Variants in LRP1B observed in about 807,000 individuals in gnomAD.
LRP1B encodes the protein LDL receptor related protein 1B.
Under a neutral mutation model 556.6 loss-of-function variants are expected in LRP1B, and 217 were observed. The ratio of observed to expected loss-of-function variants is 0.39; its 90% confidence interval spans 0.35 to 0.44. LRP1B has a LOEUF of 0.44. LRP1B is among the 20% of genes least tolerant of loss of function. The pLI is 1.00. For synonymous variants in LRP1B, 2,047 were observed against 1,865.8 expected, an observed-to-expected ratio of 1.10 and a Z score of -2.50; for missense variants, 5,053 against 5,620.8, an observed-to-expected ratio of 0.90 and a Z score of 3.23.
Position 140,994,131 on chromosome 2 carries a change from A to T in LRP1B, c.2508T>A (p.Asn836Lys). The T allele has an allele frequency of 6.2e-7, 1 of 1,612,076 alleles. No homozygotes were observed. Reference protein sequence around the residue: ...LDENGTTCTFNPGEALPHICK... With the variant: ...LDENGTTCTFKPGEALPHICK... ...ATATGTGAGGTAGTGCTTCTCCAGG[A>T]TTAACTAGAGTTAAAAAAACCCAAG... The change falls in exon 16 of 91, where the codon AAT (asparagine) becomes AAA (lysine). Residue 836 changes from asparagine to lysine, a missense_variant. Transcript: ENST00000389484.
chr2:141,120,231 T>C (rs1350333023), intron 7 of LRP1B, among the ~76,000 whole-genome samples: 1 of 151,976 alleles, frequency 6.6e-6, no homozygotes, highest in Non-Finnish European at 1.5e-5. Flanking sequence ...CTTTGTAATG[T>C]ACTCAAACCC....
At chr2:142,014,208 G>A (rs1703046227) in intron 1 of LRP1B, among the ~76,000 whole-genome samples, 1 of 139,342 alleles carries the variant, frequency 7.2e-6, no homozygotes, top group African/African-American at 3.4e-5. Context: ...ACTTTGCACT[G>A]TGGACTCGCC....
intron 52 of LRP1B, 83 bp downstream of exon 52, chr2:140,509,845 G>A (rs1286978961): frequency 2.0e-6 from 3 of 1,537,040 alleles, no homozygotes; most frequent in Non-Finnish European, 1.8e-6. Flanking sequence ...TGGGAAATGT[G>A]CTATGGCAAA....
intron 6 of LRP1B, among the ~76,000 whole-genome samples, chr2:141,191,673 A>T (rs1681510894): frequency 1.1e-5 from 1 of 92,998 alleles, no homozygotes; most frequent in Non-Finnish European, 2.4e-5. Flanking sequence ...TCCCAAACAA[A>T]AATAAGCTTT....
chr2:140,883,782 G>T (rs1270565131), intron 25 of LRP1B, 35 bp downstream of exon 25: 3 of 1,425,566 alleles, frequency 2.1e-6, no homozygotes, highest in African/African-American at 1.5e-5. Context: ...TATTTTTTAT[G>T]CCAAAATCAA....
rs563754437 is a variant in LRP1B at position 141,830,549 on chromosome 2, G to T, written c.83-20148C>A. ...CATCTATTTAAAAATATTTATTTCA[G>T]CAACTTGCAGTGACAAATAAAACTA... On this transcript the variant is annotated intron_variant, in intron 1 of 90. Transcript: ENST00000389484. 7.9e-5 allele frequency among the ~76,000 whole-genome samples: 12 copies of T among 151,744 alleles called. No homozygotes were observed. In the South Asian group the frequency reaches 2.5e-3, roughly 31 times the overall value.
intron 41 of LRP1B, among the ~76,000 whole-genome samples, chr2:140,651,526 TAAAA>T (rs558677783): frequency 5.7e-4 from 61 of 107,012 alleles, no homozygotes; most frequent in Non-Finnish European, 3.5e-4. Flanking sequence ...ATACAAAAAT[TAAAA>T]AAAAAAAAAA....
chr2:141,987,905 AAT>A (rs55951100), intron 1 of LRP1B, among the ~76,000 whole-genome samples: 131,018 of 151,606 alleles, frequency 0.86, 56,693 homozygotes, highest in East Asian at 0.95. Context: ...TCTGTAAAGC[AAT>A]GATTTCATAG....
chr2:141,357,322 A>G (rs1163542305), intron 3 of LRP1B, among the ~76,000 whole-genome samples: 2 of 151,994 alleles, frequency 1.3e-5, no homozygotes, highest in African/African-American at 4.8e-5. Context: ...CAATGTGTTC[A>G]CTTTTTGATG....
chr2:141,268,732 C>A (rs890430380), intron 3 of LRP1B, among the ~76,000 whole-genome samples: 1 of 152,046 alleles, frequency 6.6e-6, no homozygotes, highest in African/African-American at 2.4e-5. Context: ...ACATTTGCAG[C>A]AGAATACTGA....
chr2:141,488,805 A>G (rs1397231760), intron 2 of LRP1B, among the ~76,000 whole-genome samples: 1 of 152,078 alleles, frequency 6.6e-6, no homozygotes, highest in African/African-American at 2.4e-5. Context: ...ATTAAATTGA[A>G]GATCCTATGA....
chr2:141,354,349 A>C (rs2683829), intron 3 of LRP1B, among the ~76,000 whole-genome samples: 112,052 of 151,904 alleles, frequency 0.74, 42,301 homozygotes, highest in African/African-American at 0.85. Context: ...TCACTCACAT[A>C]ATTCAGACAA....
At chr2:141,072,243 C>G (rs1037937376) in intron 7 of LRP1B, among the ~76,000 whole-genome samples, 2 of 152,082 alleles carry the variant, frequency 1.3e-5, no homozygotes, top group African/African-American at 4.8e-5. Context: ...GAGGGTCTCA[C>G]AAACTGGTTG....
rs142542384 is a variant in LRP1B at position 140,436,524 on chromosome 2, A to G, written c.10414+5980T>C. On this transcript the variant is annotated intron_variant, in intron 66 of 90. Coordinates refer to ENST00000389484, the MANE Select transcript of LRP1B (RefSeq NM_018557.3). Reference sequence around the variant, plus strand: ...TATTTTACAATTCATCTGGGATCAAATAAGTATGGAATGCCGAGAAGTGGA... The same window carrying G: ...TATTTTACAATTCATCTGGGATCAAGTAAGTATGGAATGCCGAGAAGTGGA... 2.0e-3 allele frequency among the ~76,000 whole-genome samples: 301 copies of G among 152,278 alleles called. 2 individuals are homozygous for G. Among genetic ancestry groups the G allele is most frequent in the Admixed American group, 4.1e-3 (62 of 15,290 alleles).
At chr2:140,445,578 A>G (rs1019504357) in intron 63 of LRP1B, among the ~76,000 whole-genome samples, 1 of 150,814 alleles carries the variant, frequency 6.6e-6, no homozygotes, top group Non-Finnish European at 1.5e-5. Context: ...ATTATAACAA[A>G]TGACTCCCAA....
intron 80 of LRP1B, among the ~76,000 whole-genome samples, 183 bp downstream of exon 80, chr2:140,325,579 C>T (rs1680430568): frequency 6.6e-6 from 1 of 152,166 alleles, no homozygotes; most frequent in Non-Finnish European, 1.5e-5. Flanking sequence ...AACTTCTGCC[C>T]TGGCCTCTAT....
At chr2:140,839,372 G>A (rs1692025190) in intron 31 of LRP1B, among the ~76,000 whole-genome samples, 1 of 152,138 alleles carries the variant, frequency 6.6e-6, no homozygotes, top group African/African-American at 2.4e-5. Context: ...GTGTGTCTGT[G>A]AAGCTGTTGC....
At chr2:141,926,989 G>A (rs1700351150) in intron 1 of LRP1B, among the ~76,000 whole-genome samples, 1 of 152,044 alleles carries the variant, frequency 6.6e-6, no homozygotes, top group African/African-American at 2.4e-5. Context: ...AAAGTAGACT[G>A]CTTTGATTGT....
At chr2:140,822,865 T>A (rs1691373693) in intron 31 of LRP1B, among the ~76,000 whole-genome samples, 1 of 152,162 alleles carries the variant, frequency 6.6e-6, no homozygotes, top group African/African-American at 2.4e-5. Context: ...CCAGCTTTCA[T>A]CATAGACTAC....
Sources: allele counts gnomAD v4.1 joint callset (sites outside exome capture counted in the v4.1 genomes callset), GRCh38; gene constraint gnomAD v4.1.1; transcripts MANE v1.5; gene names NCBI Gene and HGNC (gene_info 2026-07-23, HGNC 2026-07-21).